Variants in NEXMIF observed in about 807,000 individuals in gnomAD.
NEXMIF encodes XLMR protein related to neurite extension.
NEXMIF carries 8 observed loss-of-function variants against 62.1 expected under a neutral mutation model. The observed-to-expected ratio is 0.13, with a 90% CI of 0.08 to 0.23. The LOEUF is 0.23. Among genes scored for constraint, NEXMIF ranks in the 10% least tolerant of loss-of-function variants. NEXMIF has a pLI of 1.00. For synonymous variants in NEXMIF, 404 were observed against 416.6 expected (o/e 0.97, Z 0.37); for missense variants, 976 against 1,113.3 (o/e 0.88, Z 1.75).
chrX:74,887,828 T>C (rs1194078515), intron 1 of NEXMIF, among the ~76,000 whole-genome samples: 5 of 112,089 alleles, frequency 4.5e-5, no homozygotes, highest in Non-Finnish European at 9.4e-5. Context: ...ATCATGCTGC[T>C]ATAAAGACAC....
At chrX:74,863,462 A>G (rs951254090) in intron 1 of NEXMIF, among the ~76,000 whole-genome samples, 2 of 111,927 alleles carry the variant, frequency 1.8e-5, no homozygotes, top group Non-Finnish European at 3.8e-5. Context: ...ACAGAAATAC[A>G]AAAAACCATC....
chrX:74,861,070 C>A (rs1429396623), intron 1 of NEXMIF, among the ~76,000 whole-genome samples: 1 of 111,780 alleles, frequency 8.9e-6, no homozygotes, highest in Non-Finnish European at 1.9e-5. Context: ...GATGTCCTAA[C>A]CCAAAGCAAA....
At chrX:74,879,656 G>A (rs949026524) in intron 1 of NEXMIF, among the ~76,000 whole-genome samples, 6 of 111,908 alleles carry the variant, frequency 5.4e-5, no homozygotes, top group Non-Finnish European at 9.4e-5. Context: ...TGGAATGGGG[G>A]TCTGAAACTG....
At chrX:74,815,553 A>G (rs2080373244) in intron 1 of NEXMIF, among the ~76,000 whole-genome samples, 1 of 111,343 alleles carries the variant, frequency 9.0e-6, no homozygotes, top group Non-Finnish European at 1.9e-5. Context: ...CCCCTATTAA[A>G]AAACCAGTGG....
intron 1 of NEXMIF, among the ~76,000 whole-genome samples, chrX:74,840,155 C>T (rs2080469553): frequency 1.8e-5 from 2 of 111,946 alleles, no homozygotes; most frequent in South Asian, 7.5e-4. Context: ...TTGCATATCT[C>T]TAATGATCAG....
intron 1 of NEXMIF, among the ~76,000 whole-genome samples, chrX:74,865,926 G>T (rs1049272574): frequency 7.2e-5 from 8 of 111,541 alleles, no homozygotes; most frequent in Non-Finnish European, 9.4e-5. Flanking sequence ...CCGGGGTGGG[G>T]CCCTCATGGA....
chrX:74,825,705 C>A (rs761304143), intron 1 of NEXMIF, among the ~76,000 whole-genome samples: 33 of 111,925 alleles, frequency 2.9e-4, no homozygotes, highest in Non-Finnish European at 4.5e-4. Flanking sequence ...CAGGCGCCCA[C>A]CATCATGTCT....
At chrX:74,818,771 C>G (rs1384498560) in intron 1 of NEXMIF, among the ~76,000 whole-genome samples, 1 of 111,744 alleles carries the variant, frequency 8.9e-6, no homozygotes, top group East Asian at 2.8e-4. Flanking sequence ...CAAAAAACAA[C>G]CCCATTAAAA....
Position 74,862,757 on chromosome X carries a change from A to G in NEXMIF, c.-48+62126T>C, listed in dbSNP as rs749186080. On this transcript the variant is annotated intron_variant, in intron 1 of 3. Coordinates refer to ENST00000055682, the MANE Select transcript of NEXMIF (RefSeq NM_001008537.3). Reference sequence around the variant, plus strand: ...TGACTACTGGGTAAATAAAGAAATTAAGGCAGAAATCAAAAAGTTCTTTGA... The same window carrying G: ...TGACTACTGGGTAAATAAAGAAATTGAGGCAGAAATCAAAAAGTTCTTTGA... Among the ~76,000 whole-genome samples, 3 of 112,219 alleles carry G rather than the reference A, an allele frequency of 2.7e-5. No homozygotes were observed. The South Asian group carries it at 1.1e-3, about 42-fold the overall frequency.
intron 1 of NEXMIF, among the ~76,000 whole-genome samples, chrX:74,751,411 TC>T (rs775264805): frequency 1.8e-5 from 2 of 111,351 alleles, no homozygotes; most frequent in Non-Finnish European, 3.8e-5. Context: ...ATCTAAGGGT[TC>T]TTTTAGTTCC....
chrX:74,839,841 T>A (rs933218559), intron 1 of NEXMIF, among the ~76,000 whole-genome samples: 26 of 112,272 alleles, frequency 2.3e-4, no homozygotes, highest in Admixed American at 2.2e-3. Context: ...TTATTCCATA[T>A]CTTCACTATT....
intron 1 of NEXMIF, among the ~76,000 whole-genome samples, chrX:74,753,715 G>GCACACACA (rs199783383): frequency 2.0e-5 from 2 of 100,184 alleles, no homozygotes; most frequent in African/African-American, 7.3e-5. Flanking sequence ...ACACACACAC[G>GCACACACA]CACACACACA....
intron 2 of NEXMIF, among the ~76,000 whole-genome samples, chrX:74,744,921 T>C (rs866749591): frequency 7.2e-3 from 150 of 20,833 alleles, no homozygotes; most frequent in East Asian, 0.06. Context: ...CTCTCTCTCT[T>C]CTCTCTCTCC....
intron 1 of NEXMIF, among the ~76,000 whole-genome samples, chrX:74,853,997 A>C (rs1214301505): frequency 8.9e-6 from 1 of 111,917 alleles, no homozygotes; most frequent in Non-Finnish European, 1.9e-5. Context: ...AATTCTACCA[A>C]ATTTAAAAAG....
At chrX:74,905,678 C>T (rs185779489) in intron 1 of NEXMIF, among the ~76,000 whole-genome samples, 1,151 of 110,159 alleles carry the variant, frequency 0.01, 17 homozygotes, top group African/African-American at 0.035. Flanking sequence ...GGCATCATGG[C>T]GGGTGCCTGT....
intron 1 of NEXMIF, among the ~76,000 whole-genome samples, chrX:74,823,697 C>T (rs370291021): frequency 3.7e-4 from 38 of 101,743 alleles, no homozygotes; most frequent in Admixed American, 1.6e-3. Flanking sequence ...CAGAGAAAGA[C>T]AGATAGATAG....
At chrX:74,867,399 A>G (rs1306142546) in intron 1 of NEXMIF, among the ~76,000 whole-genome samples, 1 of 112,265 alleles carries the variant, frequency 8.9e-6, no homozygotes, top group African/African-American at 3.2e-5. Context: ...ACAAGGCTAC[A>G]GTAACCAAAG....
At chrX:74,907,334 A>ACC (rs56726810) in intron 1 of NEXMIF, among the ~76,000 whole-genome samples, 32 of 53,054 alleles carry the variant, frequency 6.0e-4, no homozygotes, top group African/African-American at 1.4e-3. Context: ...AAGCAAGAGC[A>ACC]CCCCCCCCCC....
chrX:74,849,366 C>A (rs887559931), intron 1 of NEXMIF, among the ~76,000 whole-genome samples: 4 of 112,416 alleles, frequency 3.6e-5, no homozygotes, highest in African/African-American at 9.7e-5. Flanking sequence ...ATGTGAGAAA[C>A]CCTCAGCAGT....
Sources: allele counts gnomAD v4.1 joint callset (sites outside exome capture counted in the v4.1 genomes callset), GRCh38; gene constraint gnomAD v4.1.1; transcripts MANE v1.5; gene names NCBI Gene and HGNC (gene_info 2026-07-23, HGNC 2026-07-21).